Variants in KCTD3 observed in about 807,000 individuals in gnomAD.
The protein encoded by KCTD3 is potassium channel tetramerization domain containing 3.
KCTD3 carries 41 observed loss-of-function variants against 85.8 expected under a neutral mutation model. The observed-to-expected ratio is 0.48, with a 90% CI of 0.37 to 0.62. KCTD3 has a LOEUF of 0.62. KCTD3 is among the 20% of genes least tolerant of loss of function. KCTD3 has a pLI of 0.00. For missense variants in KCTD3, 724 were observed against 989.9 expected, an observed-to-expected ratio of 0.73 and a Z score of 3.60; for synonymous variants, 338 against 345.4, an observed-to-expected ratio of 0.98 and a Z score of 0.24.
In KCTD3 at chr1:215,579,105, T is replaced by A. The variant is rs977594749; in HGVS notation, c.503T>A (p.Leu168His). 6.2e-7 allele frequency: 1 copy of A among 1,609,272 alleles called. No individual in the cohort carries two copies. The change falls in exon 7 of 18, where the codon CTC becomes CAC. Residue 168 changes from leucine (L) to histidine (H), a missense_variant. Physicochemically the swap from Leu to His is moderately conservative, Grantham distance 99. Around this residue, in one of 6 missense-constraint regions of KCTD3, gnomAD observed 106 missense variants for 98.2 expected, o/e 1.08. Coordinates refer to ENST00000259154, the MANE Select transcript of KCTD3 (RefSeq NM_016121.5). ...EARGNGTQPV[L>H]SGTGEETVRL... is the part of the protein sequence containing the mutation. ...CGGGGAAATGGTACACAGCCTGTTC[T>A]CTCTGGAACGGGAGAAGAAACTGTT...
intron 8 of KCTD3, among the ~76,000 whole-genome samples, chr1:215,584,229 T>A (rs1372163769): frequency 6.6e-6 from 1 of 152,172 alleles, no homozygotes; most frequent in African/African-American, 2.4e-5. Flanking sequence ...AAACTACTGA[T>A]GAGACAAATC....
chr1:215,590,726 G>A (rs1357496409), intron 9 of KCTD3, among the ~76,000 whole-genome samples: 2 of 152,020 alleles, frequency 1.3e-5, no homozygotes, highest in East Asian at 1.9e-4. Flanking sequence ...AAGATTTCTT[G>A]TCTTTTTGTT....
intron 10 of KCTD3, 59 bp downstream of exon 10, chr1:215,595,530 A>G: frequency 2.1e-6 from 2 of 956,986 alleles, no homozygotes; most frequent in East Asian, 2.7e-5. Flanking sequence ...CTGATTATGT[A>G]TTTTTTTTTT....
chr1:215,599,194 CAG>C (rs1186317281), intron 10 of KCTD3, among the ~76,000 whole-genome samples: 2 of 151,752 alleles, frequency 1.3e-5, no homozygotes, highest in African/African-American at 4.8e-5. Flanking sequence ...GGTTTTTTTT[CAG>C]AGAGAATTTT....
At chr1:215,604,356 T>A in intron 13 of KCTD3, 54 bp downstream of exon 13, 2 of 1,413,534 alleles carry the variant, frequency 1.4e-6, no homozygotes, top group Non-Finnish European at 9.8e-7. Flanking sequence ...GTTATTTTCA[T>A]TAAAAGAATG....
intron 4 of KCTD3, among the ~76,000 whole-genome samples, chr1:215,576,599 CT>C (rs533943671): frequency 3.0e-4 from 43 of 144,698 alleles, no homozygotes; most frequent in Admixed American, 5.5e-4. Flanking sequence ...AAGTTTGAAG[CT>C]TTTTTTTTTT....
chr1:215,568,271 A>T (rs1659221716), intron 1 of KCTD3, among the ~76,000 whole-genome samples: 1 of 151,982 alleles, frequency 6.6e-6, no homozygotes, highest in East Asian at 1.9e-4. Flanking sequence ...GATTTCTGTG[A>T]TGGGAGTGCA....
At chr1:215,571,103 T>C (rs536472031) in intron 1 of KCTD3, among the ~76,000 whole-genome samples, 1 of 152,310 alleles carries the variant, frequency 6.6e-6, no homozygotes, top group South Asian at 2.1e-4. Flanking sequence ...ATTTTCTAAG[T>C]AGCACATAAT....
chr1:215,579,200 T>C, intron 7 of KCTD3, 63 bp downstream of exon 7: 4 of 1,392,372 alleles, frequency 2.9e-6, no homozygotes, highest in South Asian at 1.3e-5. Context: ...TGGGTGATAT[T>C]GAGTAATTAC....
chr1:215,567,762 G>A lies in KCTD3; in HGVS notation c.77G>A (p.Gly26Glu). The A allele has an allele frequency of 8.0e-7, 1 of 1,244,620 alleles. No homozygotes were observed. Among genetic ancestry groups the A allele is most frequent in the Non-Finnish European group, 1.0e-6 (1 of 987,962 alleles). The allele number at this position is 1,244,620 out of a possible 1,614,324, so 77.1% of individuals were successfully genotyped here. A position where few individuals can be genotyped will look rare whatever the true frequency, so the allele number is the denominator to read the frequency against. ...GAGATCGTCCAACTGAACGTAGGGG[G>A]GACCAGGTGAGTCGGCGGGTAGCGG... ...SGEIVQLNVGGTRFSTSRQTL... is the reference protein window; with the variant it reads ...SGEIVQLNVGETRFSTSRQTL... The change falls in exon 1 of 18, where the codon GGG (glycine) becomes GAG (glutamate). Residue 26 changes from glycine to glutamate, a missense_variant. Transcript: ENST00000259154.
At chr1:215,604,323 T>G (rs1388650047) in intron 13 of KCTD3, 21 bp downstream of exon 13, 1 of 1,586,018 alleles carries the variant, frequency 6.3e-7, no homozygotes, top group South Asian at 1.1e-5. Context: ...TTCATTATAC[T>G]GGTAAGGAAC....
rs571500338 is a variant in KCTD3, at chr1:215,580,382, A to G, written c.626+383A>G. Among the ~76,000 whole-genome samples the G allele has an allele frequency of 9.7e-4, 148 of 152,348 alleles. 1 individual carries two copies. The highest frequency in any genetic ancestry group is 1.2e-3 in the Non-Finnish European group (85 of 68,030). Reference sequence around the variant, plus strand: ...AATGATTCAGTGTTTTGTATTCTATAGCAAGGGAGAGTACATTGGTCATAA... The same window carrying G: ...AATGATTCAGTGTTTTGTATTCTATGGCAAGGGAGAGTACATTGGTCATAA... On this transcript the variant is annotated intron_variant, in intron 8 of 17. Coordinates refer to ENST00000259154, the MANE Select transcript of KCTD3 (RefSeq NM_016121.5).
At position 215,568,218 on chromosome 1, in the gene KCTD3, G is replaced by T. The variant is rs375223389; in HGVS notation, c.83+450G>T. Among the ~76,000 whole-genome samples the T allele has an allele frequency of 2.6e-5, 4 of 152,072 alleles. No individual in the cohort carries two copies. The East Asian group carries it at 7.7e-4, about 29-fold the overall frequency. On this transcript the variant is annotated intron_variant, in intron 1 of 17. Coordinates refer to ENST00000259154, the MANE Select transcript of KCTD3 (RefSeq NM_016121.5). ...TGTCGGTTTTCTTAGGGAAGAGTGC[G>T]GTGTTCTTTTCCGCGCCTAATTAGG...
chr1:215,608,921 A>C (rs1354576434), intron 14 of KCTD3, among the ~76,000 whole-genome samples: 1 of 152,024 alleles, frequency 6.6e-6, no homozygotes, highest in African/African-American at 2.4e-5. Flanking sequence ...AGGCACTGGA[A>C]GTTTATATTG....
At chr1:215,583,856 A>C (rs894493123) in intron 8 of KCTD3, among the ~76,000 whole-genome samples, 1 of 152,228 alleles carries the variant, frequency 6.6e-6, no homozygotes, top group Non-Finnish European at 1.5e-5. Context: ...TCTGACAAAA[A>C]GTGATGACTG....
chr1:215,585,926 A>G (rs1365578867), intron 8 of KCTD3, among the ~76,000 whole-genome samples: 1 of 152,162 alleles, frequency 6.6e-6, no homozygotes, highest in Non-Finnish European at 1.5e-5. Flanking sequence ...TTTTTTATAT[A>G]ATAGTGCTAA....
chr1:215,618,775 CTT>C (rs1655553122), intron 15 of KCTD3, 109 bp from the exon 16 acceptor site: 1 of 792,210 alleles, frequency 1.3e-6, no homozygotes, highest in Non-Finnish European at 2.0e-6. Context: ...TTTTAAAAGT[CTT>C]TTCTAGTATA....
At chr1:215,601,643 TA>T (rs1247528593) in intron 10 of KCTD3, among the ~76,000 whole-genome samples, 3 of 151,948 alleles carry the variant, frequency 2.0e-5, no homozygotes, top group East Asian at 1.9e-4. Context: ...AAATACAATT[TA>T]AAAAAAATAT....
In KCTD3 at chr1:215,573,930, A is replaced by G. The variant is rs575288422; in HGVS notation, c.137+91A>G. 5.9e-6 allele frequency: 6 copies of G among 1,020,532 alleles called. No homozygotes were observed. In the East Asian group the frequency reaches 1.3e-4, roughly 22 times the overall value. The allele number at this position is 1,020,532 out of a possible 1,614,324, so 63.2% of individuals were successfully genotyped here. A position where few individuals can be genotyped will look rare whatever the true frequency, so the allele number is the denominator to read the frequency against. On this transcript the variant is annotated intron_variant, in intron 2 of 17. Coordinates refer to ENST00000259154, the MANE Select transcript of KCTD3 (RefSeq NM_016121.5). ...TCAGTTAAATTTTTTTTAATAAAAAAGGTTAACTCTTAAAATTATATATTT... is the reference window on the plus strand; with the variant it reads ...TCAGTTAAATTTTTTTTAATAAAAAGGGTTAACTCTTAAAATTATATATTT...
Sources: gnomAD v4.1 joint callset for allele counts (sites outside exome capture counted in the v4.1 genomes callset) on GRCh38, gnomAD v4.1.1 for gene constraint, gnomAD v4.1.1 regional missense constraint, MANE v1.5 for transcripts, NCBI Gene and HGNC (gene_info 2026-07-23, HGNC 2026-07-21) for gene names.